ANKRD10: variants seen among roughly 807,000 people sequenced by gnomAD.
The protein encoded by ANKRD10 is ankyrin repeat domain 10.
A neutral mutation model predicts 27.0 loss-of-function variants in ANKRD10; 14 were observed. The observed-to-expected ratio is 0.52, with a 90% CI of 0.34 to 0.81. The LOEUF (loss-of-function observed/expected upper bound fraction) is 0.81. Ranked by LOEUF, ANKRD10 falls within the 40% of genes least tolerant of loss-of-function variation. The probability of loss-of-function intolerance (pLI) is 0.01; values close to 1 mark genes in which losing one functional copy is unlikely to be tolerated. For synonymous variants in ANKRD10, 250 were observed against 224.5 expected (o/e 1.11, Z -1.01); for missense variants, 493 against 544.0 (o/e 0.91, Z 0.93).
intron 1 of ANKRD10, among the ~76,000 whole-genome samples, chr13:110,913,621 C>T (rs1184700373): frequency 1.3e-5 from 2 of 152,134 alleles, no homozygotes; most frequent in East Asian, 3.8e-4. Context: ...AATGTAGCAC[C>T]AGGGGCAGCA....
chr13:110,887,767 T>C (rs1327530101), intron 4 of ANKRD10, among the ~76,000 whole-genome samples: 2 of 152,286 alleles, frequency 1.3e-5, no homozygotes, highest in South Asian at 2.1e-4. Flanking sequence ...CTCTAGGTGC[T>C]GTGTGGAAGG....
rs1205053820 is a variant in ANKRD10, at chr13:110,878,967, A to C, written c.*670T>G. The stretch of plus-strand genomic sequence containing the variant: ...CATGTGGTAAAACTTCCAGAGACCA[A>C]GTAGGAAGTGTGGAATAAAAACAAT... On this transcript the variant is annotated 3_prime_UTR_variant, in exon 6 of 6. Transcript: ENST00000267339. 1 of 152,432 alleles carries C rather than the reference A, an allele frequency of 6.6e-6. No individual in the cohort carries two copies. The highest frequency in any genetic ancestry group is 2.4e-5 in the African/African-American group (1 of 41,478). 9.4% of individuals were successfully genotyped at this position (152,432 alleles called of 1,614,324 possible).
intron 5 of ANKRD10, among the ~76,000 whole-genome samples, chr13:110,881,988 G>A (rs1389687327): frequency 6.6e-6 from 1 of 152,066 alleles, no homozygotes; most frequent in Non-Finnish European, 1.5e-5. Flanking sequence ...CTTCCCTTCT[G>A]TCTGCCCGGC....
intron 4 of ANKRD10, among the ~76,000 whole-genome samples, chr13:110,885,355 G>A (rs1039321640): frequency 2.0e-5 from 3 of 151,978 alleles, no homozygotes; most frequent in Admixed American, 6.6e-5. Context: ...GATCGAGACC[G>A]TCCTGGCCAA....
chr13:110,891,754 T>A (rs965979641), intron 4 of ANKRD10, among the ~76,000 whole-genome samples: 2 of 152,136 alleles, frequency 1.3e-5, no homozygotes, highest in African/African-American at 2.4e-5. Flanking sequence ...CAAAACTTTG[T>A]GCTTATACTC....
At chr13:110,913,267 T>C (rs1257778559) in intron 1 of ANKRD10, among the ~76,000 whole-genome samples, 4 of 152,150 alleles carry the variant, frequency 2.6e-5, no homozygotes, top group Non-Finnish European at 5.9e-5. Context: ...AGTGTAAAAA[T>C]AAACCACAGC....
chr13:110,894,372 C>CTGT, intron 3 of ANKRD10: 1 of 203,080 alleles, frequency 4.9e-6, no homozygotes, highest in Non-Finnish European at 9.5e-6. Flanking sequence ...ACTCCAGAAC[C>CTGT]CTGATGCCTT....
At position 110,914,970 on chromosome 13, in the gene ANKRD10, A is replaced by T. The variant is rs758880267; in HGVS notation, c.-36T>A. On this transcript the variant is annotated 5_prime_UTR_variant, in exon 1 of 6. Transcript: ENST00000267339. ...CGGAGAGCGCGGGGCTCGCTGGCCT[A>T]GAGGACGCGTCGGGGAGGACTCGAG... 6.0e-5 allele frequency: 91 copies of T among 1,517,362 alleles called. 1 individual carries two copies. The highest frequency in any genetic ancestry group is 8.0e-5 in the Admixed American group (4 of 49,942). The allele number at this position is 1,517,362 out of a possible 1,614,324, so 94.0% of individuals were successfully genotyped here.
intron 5 of ANKRD10, among the ~76,000 whole-genome samples, chr13:110,882,193 A>G (rs552876760): frequency 8.3e-4 from 126 of 152,346 alleles, no homozygotes; most frequent in Middle Eastern, 3.4e-3. Context: ...AAATGCAAAG[A>G]TAGCTGTACA....
At chr13:110,883,168 A>G (rs1468342926) in intron 5 of ANKRD10, 1 of 152,338 alleles carries the variant, frequency 6.6e-6, no homozygotes, top group Non-Finnish European at 1.5e-5. Flanking sequence ...GTCCTGGGTA[A>G]AAGATTCCAT....
At chr13:110,914,479 A>C (rs1301360184) in intron 1 of ANKRD10, 7 of 357,236 alleles carry the variant, frequency 2.0e-5, no homozygotes, top group African/African-American at 6.5e-5. Context: ...CATGCGCCCT[A>C]GGCCCCTCCG....
Position 110,914,994 on chromosome 13 carries a change from A to G in ANKRD10, c.-60T>C, listed in dbSNP as rs1339813622. The G allele has an allele frequency of 6.7e-7, 1 of 1,491,468 alleles. No individual in the cohort carries two copies. The highest frequency in any genetic ancestry group is 1.4e-5 in the African/African-American group (1 of 71,420). 92.4% of individuals were successfully genotyped at this position (1,491,468 alleles called of 1,614,324 possible). A position where few individuals can be genotyped will look rare whatever the true frequency, so the allele number is the denominator to read the frequency against. On this transcript the variant is annotated 5_prime_UTR_variant, in exon 1 of 6. Coordinates refer to ENST00000267339, the MANE Select transcript of ANKRD10 (RefSeq NM_017664.4). ...TAGAGGACGCGTCGGGGAGGACTCG[A>G]GAAGCCGCCGCCGCAGCACAAAGGA...
chr13:110,881,939 C>T (rs2138818620), intron 5 of ANKRD10, among the ~76,000 whole-genome samples: 1 of 152,300 alleles, frequency 6.6e-6, no homozygotes, highest in South Asian at 2.1e-4. Context: ...CTCCAACGCT[C>T]TCCCTTCCTC....
At chr13:110,886,748 A>C (rs1456087292) in intron 4 of ANKRD10, among the ~76,000 whole-genome samples, 1 of 152,192 alleles carries the variant, frequency 6.6e-6, no homozygotes, top group East Asian at 1.9e-4. Flanking sequence ...GCCTGTACAG[A>C]CATTTCAGAA....
chr13:110,889,500 T>C lies in ANKRD10; in HGVS notation c.691+3528A>G, dbSNP rs112458761. On this transcript the variant is annotated intron_variant, in intron 4 of 5. Coordinates refer to ENST00000267339, the MANE Select transcript of ANKRD10 (RefSeq NM_017664.4). ...AATTTTATGAAAGTATGACTTCTTG[T>C]AGCATAACTTCCTTCCAAGACAGTT... Among the ~76,000 whole-genome samples the C allele has an allele frequency of 5.6e-3, 828 of 146,796 alleles. 9 individuals are homozygous for C. The highest frequency in any genetic ancestry group is 0.019 in the African/African-American group (797 of 41,302).
intron 4 of ANKRD10, chr13:110,892,763 C>A (rs1281151419): frequency 2.6e-6 from 3 of 1,154,044 alleles, no homozygotes; most frequent in Non-Finnish European, 3.2e-6. Context: ...AAATCTAATT[C>A]ATGGCAGGTA....
intron 3 of ANKRD10, among the ~76,000 whole-genome samples, chr13:110,901,953 G>C (rs918658133): frequency 1.3e-5 from 2 of 150,952 alleles, no homozygotes; most frequent in Non-Finnish European, 2.9e-5. Flanking sequence ...TGAGGCAGGA[G>C]GATCACTGGA....
intron 4 of ANKRD10, among the ~76,000 whole-genome samples, chr13:110,889,278 A>C (rs957634144): frequency 6.6e-6 from 1 of 152,278 alleles, no homozygotes; most frequent in African/African-American, 2.4e-5. Flanking sequence ...ACAACAACAA[A>C]AAAATTAAAG....
chr13:110,912,500 C>T (rs1247166470), intron 1 of ANKRD10, among the ~76,000 whole-genome samples: 5 of 152,134 alleles, frequency 3.3e-5, no homozygotes, highest in African/African-American at 9.7e-5. Flanking sequence ...AAAAATAAAA[C>T]GGATGAAAAT....
Sources: gnomAD v4.1 joint callset for allele counts (sites outside exome capture counted in the v4.1 genomes callset) on GRCh38, gnomAD v4.1.1 for gene constraint, MANE v1.5 for transcripts, NCBI Gene and HGNC (gene_info 2026-07-23, HGNC 2026-07-21) for gene names.